PLOD2: variants seen among roughly 807,000 people sequenced by gnomAD.
PLOD2 encodes the protein lysine hydroxylase 2.
PLOD2 carries 65 observed loss-of-function variants against 101.0 expected under a neutral mutation model. The observed-to-expected ratio is 0.64, with a 90% CI of 0.53 to 0.79. PLOD2 has a LOEUF of 0.79. Among genes scored for constraint, PLOD2 ranks in the 30% least tolerant of loss-of-function variants. The pLI, the probability that PLOD2 is intolerant of heterozygous loss-of-function variation, is 0.00. For synonymous variants in PLOD2, 314 were observed against 302.9 expected (o/e 1.04, Z -0.38); for missense variants, 909 against 914.6 (o/e 0.99, Z 0.08).
At chr3:146,118,061 C>G (rs933506102) in intron 3 of PLOD2, among the ~76,000 whole-genome samples, 1 of 152,112 alleles carries the variant, frequency 6.6e-6, no homozygotes, top group Admixed American at 6.6e-5. Flanking sequence ...CAAGGAGAAT[C>G]TGCCTCAGAG....
chr3:146,155,714 CAAAAA>C (rs766107067), intron 1 of PLOD2, among the ~76,000 whole-genome samples: 1 of 54,060 alleles, frequency 1.8e-5, no homozygotes, highest in Non-Finnish European at 3.8e-5. Flanking sequence ...GACTCTGTCT[CAAAAA>C]AAAAAAAAAA....
intron 1 of PLOD2, among the ~76,000 whole-genome samples, chr3:146,140,948 T>C (rs749787194): frequency 6.6e-6 from 1 of 152,038 alleles, no homozygotes; most frequent in African/African-American, 2.4e-5. Flanking sequence ...CTGGTCTCCA[T>C]TTTAATGTCT....
chr3:146,135,401 C>A lies in PLOD2; in HGVS notation c.110-11172G>T, dbSNP rs185287131. Among the ~76,000 whole-genome samples the A allele has an allele frequency of 4.6e-5, 7 of 152,100 alleles. No individual in the cohort carries two copies. In the East Asian group the frequency reaches 1.4e-3, roughly 29 times the overall value. On this transcript the variant is annotated intron_variant, in intron 1 of 19. Transcript: ENST00000282903. ...CTTCTATGGAATTACCACAAGACTC[C>A]AAAAAAGTTTATTATTCACTCTGTG... is the stretch of plus-strand genomic sequence containing the variant.
chr3:146,143,771 C>T (rs2031643654), intron 1 of PLOD2, among the ~76,000 whole-genome samples: 2 of 152,046 alleles, frequency 1.3e-5, no homozygotes. Context: ...GATAAAATAA[C>T]CTATTCTAAT....
intron 3 of PLOD2, among the ~76,000 whole-genome samples, chr3:146,115,297 C>T (rs1314963154): frequency 6.6e-6 from 1 of 152,070 alleles, no homozygotes; most frequent in Non-Finnish European, 1.5e-5. Flanking sequence ...GGTAAGTATG[C>T]CTGGGTCCTG....
intron 3 of PLOD2, among the ~76,000 whole-genome samples, chr3:146,119,016 G>C (rs930610991): frequency 1.3e-5 from 2 of 152,058 alleles, no homozygotes; most frequent in Non-Finnish European, 2.9e-5. Flanking sequence ...GATATAATTT[G>C]AATCTACGTC....
intron 1 of PLOD2, among the ~76,000 whole-genome samples, chr3:146,142,758 C>T (rs77073087): frequency 5.7e-4 from 86 of 152,206 alleles, no homozygotes; most frequent in African/African-American, 2.0e-3. Flanking sequence ...ATAAAAGCTA[C>T]ATTCAAAATA....
chr3:146,139,069 G>A (rs2031390757), intron 1 of PLOD2, among the ~76,000 whole-genome samples: 1 of 152,152 alleles, frequency 6.6e-6, no homozygotes, highest in Non-Finnish European at 1.5e-5. Flanking sequence ...TAGGAAATCT[G>A]TTGAAGAGTG....
chr3:146,126,449 A>T (rs1416330882), intron 1 of PLOD2, among the ~76,000 whole-genome samples: 2 of 152,146 alleles, frequency 1.3e-5, no homozygotes, highest in African/African-American at 4.8e-5. Flanking sequence ...TACTGTTAGA[A>T]AACGTAACCT....
chr3:146,080,416 A>G (rs772123672), intron 12 of PLOD2, among the ~76,000 whole-genome samples: 63 of 152,040 alleles, frequency 4.1e-4, no homozygotes, highest in Non-Finnish European at 7.4e-4. Context: ...GAAACCATGG[A>G]AAGCAAAACC....
chr3:146,072,482 A>G (rs1236275233), intron 17 of PLOD2, 79 bp downstream of exon 17: 2 of 902,132 alleles, frequency 2.2e-6, no homozygotes, highest in African/African-American at 1.7e-5. Flanking sequence ...GAGAAAAAGT[A>G]TATAACCCCT....
chr3:146,086,207 T>A (rs1378864584), intron 10 of PLOD2: 1 of 152,334 alleles, frequency 6.6e-6, no homozygotes, highest in Non-Finnish European at 1.5e-5. Context: ...GAATGGATCA[T>A]GTCTTCACCT....
intron 8 of PLOD2, among the ~76,000 whole-genome samples, chr3:146,090,702 A>G (rs1459199583): frequency 2.0e-5 from 3 of 151,820 alleles, no homozygotes; most frequent in Non-Finnish European, 3.0e-5. Context: ...CATGTACACA[A>G]GTTACTCTTT....
intron 7 of PLOD2, among the ~76,000 whole-genome samples, chr3:146,093,174 C>G (rs1450978677): frequency 1.3e-5 from 2 of 152,078 alleles, no homozygotes; most frequent in Admixed American, 6.5e-5. Context: ...TATTTGGGAT[C>G]CTGTTCAAAT....
chr3:146,160,775 C>T (rs1330687671), intron 1 of PLOD2, 106 bp downstream of exon 1: 1 of 731,544 alleles, frequency 1.4e-6, no homozygotes. Flanking sequence ...GAGGGACAGG[C>T]CCCCACTACT....
At chr3:146,121,660 T>G (rs2030164691) in intron 2 of PLOD2, among the ~76,000 whole-genome samples, 3 of 152,164 alleles carry the variant, frequency 2.0e-5, no homozygotes, top group Non-Finnish European at 2.9e-5. Context: ...GAGGGGCCTT[T>G]AAGCAATTTT....
chr3:146,110,212 T>C (rs1031598803), intron 4 of PLOD2, 73 bp downstream of exon 4: 5 of 1,263,660 alleles, frequency 4.0e-6, no homozygotes, highest in African/African-American at 1.5e-5. Context: ...CTAAAGTTAC[T>C]ACATCTACAA....
chr3:146,091,921 G>T lies in PLOD2; in HGVS notation c.778-20C>A, dbSNP rs368014482. 18 of 1,295,556 alleles carry T rather than the reference G, an allele frequency of 1.4e-5. No individual in the cohort carries two copies. In the African/African-American group the frequency reaches 1.7e-4, roughly 13 times the overall value. The allele number at this position is 1,295,556 out of a possible 1,614,324, so 80.3% of individuals were successfully genotyped here. On this transcript the variant is annotated intron_variant, in intron 7 of 19. Transcript: ENST00000282903. The stretch of plus-strand genomic sequence containing the variant: ...GAGAATCTTGTAAATGAAGGAAAAG[G>T]TTATTAATGAAAGCAGGCCTCTCAT...
intron 15 of PLOD2, among the ~76,000 whole-genome samples, chr3:146,075,676 T>C (rs1239529195): frequency 6.6e-6 from 1 of 151,662 alleles, no homozygotes; most frequent in African/African-American, 2.4e-5. Flanking sequence ...ACTTTTTGAA[T>C]TTTCTTCTAA....
Sources: allele counts gnomAD v4.1 joint callset (sites outside exome capture counted in the v4.1 genomes callset), GRCh38; gene constraint gnomAD v4.1.1; transcripts MANE v1.5; gene names NCBI Gene and HGNC (gene_info 2026-07-23, HGNC 2026-07-21).